The following TMEFF2 variants were observed in gnomAD, a reference collection of about 807,000 sequenced individuals.
TMEFF2 encodes transmembrane protein with EGF like and two follistatin like domains 2, also known as tomoregulin-2.
A neutral mutation model predicts 53.8 loss-of-function variants in TMEFF2; 28 were observed. The observed-to-expected ratio is 0.52, with a 90% CI of 0.39 to 0.71. The LOEUF (loss-of-function observed/expected upper bound fraction) is 0.71. Among genes scored for constraint, TMEFF2 ranks in the 30% least tolerant of loss-of-function variants. TMEFF2 has a pLI of 0.00. For synonymous variants in TMEFF2, 162 were observed against 166.3 expected, an observed-to-expected ratio of 0.97 and a Z score of 0.20; for missense variants, 353 against 455.2, an observed-to-expected ratio of 0.78 and a Z score of 2.04.
chr2:192,092,067 C>T (rs1688803067), intron 4 of TMEFF2, among the ~76,000 whole-genome samples: 1 of 152,146 alleles, frequency 6.6e-6, no homozygotes, highest in Admixed American at 6.6e-5. Flanking sequence ...ACTAACAGCT[C>T]TTTCCCTCAA....
At chr2:192,015,508 A>G (rs766996923) in intron 5 of TMEFF2, among the ~76,000 whole-genome samples, 2 of 152,076 alleles carry the variant, frequency 1.3e-5, no homozygotes, top group African/African-American at 2.4e-5. Context: ...AGGCTAAAGA[A>G]TGATTATCAT....
At chr2:192,046,490 A>C (rs201431885) in intron 5 of TMEFF2, among the ~76,000 whole-genome samples, 1 of 152,154 alleles carries the variant, frequency 6.6e-6, no homozygotes, top group Non-Finnish European at 1.5e-5. Flanking sequence ...TCAGCATTTA[A>C]TATGTGGTGC....
chr2:191,985,115 C>G (rs1365945588), intron 7 of TMEFF2, among the ~76,000 whole-genome samples: 1 of 151,866 alleles, frequency 6.6e-6, no homozygotes, highest in East Asian at 1.9e-4. Flanking sequence ...TATCCATATC[C>G]TAAATCTTTG....
At chr2:192,004,329 T>C (rs1686446627) in intron 5 of TMEFF2, among the ~76,000 whole-genome samples, 1 of 152,194 alleles carries the variant, frequency 6.6e-6, no homozygotes, top group South Asian at 2.1e-4. Flanking sequence ...GGCATCAAAG[T>C]CCAACTGGGG....
chr2:191,963,734 C>T lies in TMEFF2; in HGVS notation c.746-7356G>A, dbSNP rs896045944. On this transcript the variant is annotated intron_variant, in intron 7 of 9. Transcript: ENST00000272771. ...CTATGCTATGTGTTGTGTATCCATACGCTAAAGCTATTGGTTGTCGCTCAG... is the reference window on the plus strand; with the variant it reads ...CTATGCTATGTGTTGTGTATCCATATGCTAAAGCTATTGGTTGTCGCTCAG... Among the ~76,000 whole-genome samples, 17 of 152,288 alleles carry T rather than the reference C, an allele frequency of 1.1e-4. No homozygotes were observed. In the South Asian group the frequency reaches 2.1e-3, roughly 19 times the overall value.
At chr2:192,037,432 TAGAA>T (rs1452730078) in intron 5 of TMEFF2, among the ~76,000 whole-genome samples, 1 of 151,062 alleles carries the variant, frequency 6.6e-6, no homozygotes, top group Non-Finnish European at 1.5e-5. Flanking sequence ...TCCTTAGAAA[TAGAA>T]GGAATTTCTA....
intron 4 of TMEFF2, among the ~76,000 whole-genome samples, chr2:192,071,750 G>A (rs1032408817): frequency 6.6e-6 from 1 of 151,758 alleles, no homozygotes; most frequent in Non-Finnish European, 1.5e-5. Context: ...TCCTTATACT[G>A]TATTTAGGGA....
At chr2:192,018,416 C>T (rs367619800) in intron 5 of TMEFF2, among the ~76,000 whole-genome samples, 58 of 151,934 alleles carry the variant, frequency 3.8e-4, no homozygotes, top group African/African-American at 1.3e-3. Context: ...AACCACTTCC[C>T]GATTCTCCTT....
At chr2:192,031,866 C>A (rs1365397306) in intron 5 of TMEFF2, 1 of 152,084 alleles carries the variant, frequency 6.6e-6, no homozygotes, top group Admixed American at 6.6e-5. Flanking sequence ...GTAGAGATGA[C>A]CACTTAAACA....
At chr2:191,974,254 A>G (rs1307541070) in intron 7 of TMEFF2, among the ~76,000 whole-genome samples, 1 of 152,120 alleles carries the variant, frequency 6.6e-6, no homozygotes, top group Non-Finnish European at 1.5e-5. Context: ...TAGATAATTG[A>G]GACAGAATTT....
chr2:192,064,592 T>C (rs540173393), intron 4 of TMEFF2, among the ~76,000 whole-genome samples: 23 of 152,002 alleles, frequency 1.5e-4, no homozygotes, highest in African/African-American at 5.5e-4. Context: ...GATTGTATCA[T>C]TTCCCCCCAT....
chr2:191,967,407 A>C (rs1009005248), intron 7 of TMEFF2, among the ~76,000 whole-genome samples: 14 of 152,162 alleles, frequency 9.2e-5, no homozygotes, highest in African/African-American at 3.4e-4. Flanking sequence ...GCTAATTTTA[A>C]GGATAAAATA....
At chr2:192,103,215 A>G (rs188646749) in intron 4 of TMEFF2, among the ~76,000 whole-genome samples, 90 of 152,270 alleles carry the variant, frequency 5.9e-4, no homozygotes, top group South Asian at 1.9e-3. Flanking sequence ...CCTGCTCCCA[A>G]GGAAATTCTT....
intron 4 of TMEFF2, among the ~76,000 whole-genome samples, chr2:192,142,245 A>T (rs1175686409): frequency 4.6e-5 from 7 of 152,100 alleles, no homozygotes; most frequent in African/African-American, 1.7e-4. Context: ...ATTCTCCTAG[A>T]AGCAAAGAAC....
chr2:192,022,302 T>C (rs976221900), intron 5 of TMEFF2, among the ~76,000 whole-genome samples: 3 of 152,206 alleles, frequency 2.0e-5, no homozygotes, highest in Admixed American at 6.5e-5. Context: ...ATCATTGAAG[T>C]TGAAGGCTAG....
chr2:192,187,393 TATC>T (rs1691340945), intron 2 of TMEFF2, among the ~76,000 whole-genome samples: 2 of 152,206 alleles, frequency 1.3e-5, no homozygotes, highest in Non-Finnish European at 2.9e-5. Flanking sequence ...CTAGTAGAGT[TATC>T]ATCTAACTCT....
intron 5 of TMEFF2, among the ~76,000 whole-genome samples, chr2:192,008,079 C>A (rs1359002055): frequency 6.6e-6 from 1 of 152,112 alleles, no homozygotes; most frequent in Non-Finnish European, 1.5e-5. Context: ...GTTTTCTGCC[C>A]TCACTATTGG....
intron 4 of TMEFF2, among the ~76,000 whole-genome samples, chr2:192,126,299 TAC>T (rs1689677922): frequency 6.6e-6 from 1 of 152,242 alleles, no homozygotes; most frequent in African/African-American, 2.4e-5. Context: ...TGGGGAAAAG[TAC>T]AGTCTGAATA....
At chr2:192,185,422 T>C (rs1448171554) in intron 2 of TMEFF2, among the ~76,000 whole-genome samples, 2 of 152,066 alleles carry the variant, frequency 1.3e-5, no homozygotes, top group African/African-American at 4.8e-5. Flanking sequence ...TTATTATCTG[T>C]ATATGCTCAC....
Sources: allele counts gnomAD v4.1 joint callset (sites outside exome capture counted in the v4.1 genomes callset), GRCh38; gene constraint gnomAD v4.1.1; transcripts MANE v1.5; gene names NCBI Gene and HGNC (gene_info 2026-07-23, HGNC 2026-07-21).